BTC: variants seen among roughly 807,000 people sequenced by gnomAD.
The protein encoded by BTC is betacellulin, also known as probetacellulin.
Under a neutral mutation model 18.1 loss-of-function variants are expected in BTC, and 13 were observed. That is an observed-to-expected ratio of 0.72 (90% CI 0.47 to 1.14). BTC has a LOEUF of 1.14. Among genes scored for constraint, BTC ranks in the 50% most tolerant of loss-of-function variants. The pLI is 0.00. For synonymous variants in BTC, 83 were observed against 79.4 expected, an observed-to-expected ratio of 1.05 and a Z score of -0.24; for missense variants, 247 against 224.2, an observed-to-expected ratio of 1.10 and a Z score of -0.65.
chr4:74,779,426 T>G lies in BTC; in HGVS notation c.65-9270A>C, dbSNP rs115119056. 5.5e-3 allele frequency among the ~76,000 whole-genome samples: 842 copies of G among 152,290 alleles called. 11 individuals are homozygous for G. Among genetic ancestry groups the G allele is most frequent in the African/African-American group, 0.02 (811 of 41,568 alleles). On this transcript the variant is annotated intron_variant, in intron 1 of 5. Transcript: ENST00000395743. ...TAGGAACTCCAAAATAATCTGAAGC[T>G]AGTTTCTCAGAAATCGTCAGTTGTC...
At chr4:74,761,850 T>C (rs1428596531) in intron 2 of BTC, among the ~76,000 whole-genome samples, 4 of 152,164 alleles carry the variant, frequency 2.6e-5, no homozygotes, top group Non-Finnish European at 5.9e-5. Flanking sequence ...CAAGTCTGCA[T>C]ACAACAACCA....
intron 2 of BTC, among the ~76,000 whole-genome samples, chr4:74,765,438 A>G (rs147100941): frequency 6.7e-4 from 102 of 152,270 alleles, no homozygotes; most frequent in African/African-American, 2.4e-3. Context: ...CAATCATAGG[A>G]GCAAAAAGAA....
intron 1 of BTC, among the ~76,000 whole-genome samples, chr4:74,790,400 G>A (rs1221943602): frequency 6.6e-6 from 1 of 152,152 alleles, no homozygotes; most frequent in Non-Finnish European, 1.5e-5. Context: ...GGGCCAAGGA[G>A]GTTTAAGAGA....
At chr4:74,768,647 A>G (rs1262816192) in intron 2 of BTC, among the ~76,000 whole-genome samples, 2 of 152,196 alleles carry the variant, frequency 1.3e-5, no homozygotes, top group East Asian at 1.9e-4. Context: ...TTAGTGCAAC[A>G]TTAATAAATT....
At chr4:74,761,282 A>G (rs538772246) in intron 2 of BTC, among the ~76,000 whole-genome samples, 1 of 152,308 alleles carries the variant, frequency 6.6e-6, no homozygotes, top group African/African-American at 2.4e-5. Context: ...TCTTGTGTCC[A>G]TGATGAATCC....
At chr4:74,751,585 A>G (rs1310518117) in intron 3 of BTC, among the ~76,000 whole-genome samples, 1 of 152,150 alleles carries the variant, frequency 6.6e-6, no homozygotes, top group Non-Finnish European at 1.5e-5. Context: ...GCCTTAGGAT[A>G]CATCTAACAT....
intron 2 of BTC, among the ~76,000 whole-genome samples, chr4:74,757,149 G>A (rs1366939174): frequency 1.3e-5 from 2 of 152,136 alleles, no homozygotes; most frequent in African/African-American, 2.4e-5. Context: ...GGTTTGGTAT[G>A]GCACCTGGCA....
intron 1 of BTC, among the ~76,000 whole-genome samples, chr4:74,779,687 C>A (rs1725267685): frequency 6.6e-6 from 1 of 151,914 alleles, no homozygotes; most frequent in Non-Finnish European, 1.5e-5. Context: ...TGGTCTCTGA[C>A]CCATGAGGAA....
intron 1 of BTC, among the ~76,000 whole-genome samples, chr4:74,772,141 A>C (rs1725060077): frequency 6.6e-6 from 1 of 152,226 alleles, no homozygotes; most frequent in Non-Finnish European, 1.5e-5. Flanking sequence ...TCAAAAGGTG[A>C]ATAAGTAAAT....
chr4:74,789,223 A>G (rs988253454), intron 1 of BTC, among the ~76,000 whole-genome samples: 2 of 152,340 alleles, frequency 1.3e-5, no homozygotes, highest in Middle Eastern at 3.4e-3. Context: ...AAGCATGGCC[A>G]TGGTGGGCAA....
chr4:74,768,891 A>G (rs572974544), intron 2 of BTC, among the ~76,000 whole-genome samples: 16 of 152,324 alleles, frequency 1.1e-4, no homozygotes, highest in Admixed American at 1.0e-3. Context: ...ACCAGACTGA[A>G]GAAAAACACA....
In BTC at chr4:74,744,763, T is replaced by C. The variant is rs1724249362; in HGVS notation, c.*1914A>G. Reference sequence around the variant, plus strand: ...CCCAAGTAACCACACGTTTACTTTGTTTTAAAAATAAATTTATTTTATTAC... The same window carrying C: ...CCCAAGTAACCACACGTTTACTTTGCTTTAAAAATAAATTTATTTTATTAC... On this transcript the variant is annotated 3_prime_UTR_variant, in exon 6 of 6. Transcript: ENST00000395743. 1.3e-5 allele frequency: 2 copies of C among 152,244 alleles called. No individual in the cohort carries two copies. Among genetic ancestry groups the C allele is most frequent in the South Asian group, 2.1e-4 (1 of 4,830 alleles). The allele number at this position is 152,244 out of a possible 1,614,324, so 9.4% of individuals were successfully genotyped here. A position where few individuals can be genotyped will look rare whatever the true frequency, so the allele number is the denominator to read the frequency against.
chr4:74,772,330 C>G (rs1330362234), intron 1 of BTC, among the ~76,000 whole-genome samples: 2 of 152,126 alleles, frequency 1.3e-5, no homozygotes, highest in East Asian at 3.9e-4. Context: ...CACGTTTACT[C>G]CCAGCACCTG....
chr4:74,782,718 C>T (rs1218270420), intron 1 of BTC, among the ~76,000 whole-genome samples: 1 of 152,196 alleles, frequency 6.6e-6, no homozygotes, highest in African/African-American at 2.4e-5. Flanking sequence ...CCCCCACCAA[C>T]AGTGTAAAAG....
At chr4:74,791,969 T>TCACA (rs3087019) in intron 1 of BTC, among the ~76,000 whole-genome samples, 7,530 of 134,176 alleles carry the variant, frequency 0.056, 255 homozygotes, top group Admixed American at 0.073. Flanking sequence ...TTCCACCATC[T>TCACA]CACACACACA....
chr4:74,757,352 C>G (rs1485922106), intron 2 of BTC, among the ~76,000 whole-genome samples: 3 of 152,156 alleles, frequency 2.0e-5, no homozygotes, highest in African/African-American at 7.2e-5. Flanking sequence ...ATGGCAGAAT[C>G]TCACTGAGGA....
chr4:74,749,483 A>AAAT (rs1553955858), intron 4 of BTC, among the ~76,000 whole-genome samples: 7,752 of 143,694 alleles, frequency 0.054, 646 homozygotes, highest in African/African-American at 0.19. Context: ...ACTCTGTCTC[A>AAAT]AAATAAATAA....
intron 1 of BTC, among the ~76,000 whole-genome samples, chr4:74,772,898 C>T (rs1007505918): frequency 6.6e-6 from 1 of 152,198 alleles, no homozygotes; most frequent in Admixed American, 6.5e-5. Flanking sequence ...CTGCTGAGGC[C>T]TTCAAACATC....
At chr4:74,781,330 A>G (rs1024140550) in intron 1 of BTC, among the ~76,000 whole-genome samples, 2 of 151,922 alleles carry the variant, frequency 1.3e-5, no homozygotes, top group African/African-American at 4.8e-5. Flanking sequence ...TGACTCTCAT[A>G]AGCCAAAGCT....
Sources: gnomAD v4.1 joint callset for allele counts (sites outside exome capture counted in the v4.1 genomes callset) on GRCh38, gnomAD v4.1.1 for gene constraint, MANE v1.5 for transcripts, NCBI Gene and HGNC (gene_info 2026-07-23, HGNC 2026-07-21) for gene names.